Variants in ATF3 observed in about 807,000 individuals in gnomAD.
ATF3 encodes activating transcription factor 3, also known as cyclic AMP-dependent transcription factor ATF-3.
A neutral mutation model predicts 18.4 loss-of-function variants in ATF3; 10 were observed. The ratio of observed to expected loss-of-function variants is 0.54; its 90% confidence interval spans 0.34 to 0.92. The LOEUF is 0.92. Ranked by LOEUF, ATF3 falls within the 40% of genes least tolerant of loss-of-function variation. ATF3 has a pLI of 0.02. For missense variants in ATF3, 183 were observed against 222.3 expected (o/e 0.82, Z 1.12); for synonymous variants, 78 against 87.9 (o/e 0.89, Z 0.63).
chr1:212,576,084 G>A (rs376485104), intron 1 of ATF3, among the ~76,000 whole-genome samples: 1 of 152,098 alleles, frequency 6.6e-6, no homozygotes, highest in African/African-American at 2.4e-5. Context: ...AAATGTTTGG[G>A]CCTGATGTCT....
chr1:212,615,072 T>C lies in ATF3; in HGVS notation c.51T>C (p.Ser17=). The C allele has an allele frequency of 6.2e-7, 1 of 1,614,192 alleles. No homozygotes were observed. The highest frequency in any genetic ancestry group is 1.6e-4 in the Middle Eastern group (1 of 6,062). The change falls in exon 2 of 4, where the codon TCT becomes TCC. Residue 17 remains serine (S), a synonymous_variant. Coordinates refer to ENST00000341491, the MANE Select transcript of ATF3 (RefSeq NM_001674.4). ...TCTCTGCCTCGGAAGTGAGTGCTTC[T>C]GCCATCGTCCCCTGCCTGTCCCCTC... is the stretch of plus-strand genomic sequence containing the variant. The part of the protein sequence containing the change: ...GQVSASEVSA[S]AIVPCLSPPG...
intron 1 of ATF3, among the ~76,000 whole-genome samples, chr1:212,574,927 C>A (rs915821717): frequency 2.4e-4 from 36 of 151,964 alleles, no homozygotes; most frequent in Non-Finnish European, 4.0e-4. Flanking sequence ...TCCTGCTACC[C>A]TATTTTCTTC....
chr1:212,587,904 C>A (rs1309508418), intron 1 of ATF3, among the ~76,000 whole-genome samples: 2 of 140,840 alleles, frequency 1.4e-5, no homozygotes, highest in African/African-American at 5.4e-5. Flanking sequence ...GGTGCCTGTA[C>A]TTAGTTTAGC....
intron 1 of ATF3, among the ~76,000 whole-genome samples, chr1:212,586,635 G>A (rs1664784365): frequency 6.6e-6 from 1 of 152,214 alleles, no homozygotes; most frequent in African/African-American, 2.4e-5. Flanking sequence ...CCACCACAAA[G>A]TAGCTGTCAT....
At chr1:212,603,278 G>T (rs1410053579) in intron 1 of ATF3, among the ~76,000 whole-genome samples, 1 of 152,218 alleles carries the variant, frequency 6.6e-6, no homozygotes, top group Non-Finnish European at 1.5e-5. Flanking sequence ...ACTAGCCCAT[G>T]CTGCAGACTA....
At chr1:212,608,698 G>C (rs915697987), upstream of ATF3, 2 of 152,456 alleles carry the variant, frequency 1.3e-5, no homozygotes, top group African/African-American at 4.8e-5. Context: ...TGGCAACACG[G>C]AGTAAACGAC....
chr1:212,601,105 T>G (rs1281826121), intron 1 of ATF3, among the ~76,000 whole-genome samples: 1 of 152,178 alleles, frequency 6.6e-6, no homozygotes, highest in Non-Finnish European at 1.5e-5. Flanking sequence ...AGTGACTCAC[T>G]TTGCCCTCAG....
chr1:212,618,354 T>A lies in ATF3; in HGVS notation c.348+120T>A. 1 of 1,007,406 alleles carries A rather than the reference T, an allele frequency of 9.9e-7. No homozygotes were observed. The highest frequency in any genetic ancestry group is 1.6e-6 in the Non-Finnish European group (1 of 634,234). The allele number at this position is 1,007,406 out of a possible 1,614,324, so 62.4% of individuals were successfully genotyped here. ...TGGTTATAGTTTCCCAAGAAGGGCCTTGTAGCTGGTAGCAGAAATGCCAGT... is the reference window on the plus strand; with the variant it reads ...TGGTTATAGTTTCCCAAGAAGGGCCATGTAGCTGGTAGCAGAAATGCCAGT... On this transcript the variant is annotated intron_variant, in intron 3 of 3. Transcript: ENST00000341491. The surrounding 1 kb of genome is among the most constrained non-coding windows in gnomAD (Gnocchi z 4.4).
rs1027171893 is a variant in ATF3 at position 212,608,863 on chromosome 1, C to T, written c.-72C>T. ...GCCGGCCGTGAGTCCTCGGTGCTCGCCCGCCGGCCAGACAAACAGCCCGCC... is the reference window on the plus strand; with the variant it reads ...GCCGGCCGTGAGTCCTCGGTGCTCGTCCGCCGGCCAGACAAACAGCCCGCC... On this transcript the variant is annotated 5_prime_UTR_variant, in exon 1 of 4. Transcript: ENST00000341491. The T allele has an allele frequency of 6.5e-6, 1 of 152,778 alleles. No homozygotes were observed. The highest frequency in any genetic ancestry group is 2.4e-5 in the African/African-American group (1 of 41,436). The allele number at this position is 152,778 out of a possible 1,614,324, so 9.5% of individuals were successfully genotyped here. A position where few individuals can be genotyped will look rare whatever the true frequency, so the allele number is the denominator to read the frequency against.
chr1:212,588,764 T>C (rs1376164174), intron 1 of ATF3, among the ~76,000 whole-genome samples: 15 of 152,220 alleles, frequency 9.9e-5, no homozygotes, highest in Non-Finnish European at 1.3e-4. Flanking sequence ...TGTATACTGC[T>C]CATTTCCTGA....
rs1340386308 is a variant in ATF3 at position 212,614,907 on chromosome 1, G to T, written c.-4-111G>T. On this transcript the variant is annotated intron_variant, in intron 1 of 3. Transcript: ENST00000341491. ...CAAAACAGAAACCCAAGGGCTTATG[G>T]GACTTTTCTCTGAGGGTGGGGCTCT... 9 of 1,596,480 alleles carry T rather than the reference G, an allele frequency of 5.6e-6. No homozygotes were observed. The East Asian group carries it at 2.0e-4, about 36-fold the overall frequency.
intron 1 of ATF3, among the ~76,000 whole-genome samples, chr1:212,565,952 G>T (rs896460272): frequency 6.6e-6 from 1 of 152,128 alleles, no homozygotes; most frequent in Non-Finnish European, 1.5e-5. Context: ...TGACATTCCT[G>T]CCTGTTCTGG....
intron 1 of ATF3, among the ~76,000 whole-genome samples, chr1:212,572,693 C>T (rs754551684): frequency 1.3e-5 from 2 of 152,162 alleles, no homozygotes; most frequent in Non-Finnish European, 2.9e-5. Context: ...TGCCATAAAG[C>T]TTAGTATTCA....
intron 1 of ATF3, among the ~76,000 whole-genome samples, chr1:212,596,537 A>G (rs1467692198): frequency 2.0e-5 from 3 of 152,204 alleles, no homozygotes; most frequent in Non-Finnish European, 4.4e-5. Context: ...CATTCGTTTC[A>G]TTTTCACTTT....
At chr1:212,598,784 A>G (rs1194689921) in intron 1 of ATF3, among the ~76,000 whole-genome samples, 1 of 152,228 alleles carries the variant, frequency 6.6e-6, no homozygotes, top group East Asian at 1.9e-4. Flanking sequence ...GTTGCAAATG[A>G]CAGTATCTCA....
intron 1 of ATF3, among the ~76,000 whole-genome samples, chr1:212,613,175 G>A (rs1467048773): frequency 6.6e-6 from 1 of 152,250 alleles, no homozygotes; most frequent in East Asian, 1.9e-4. Flanking sequence ...AGCAGCCTGG[G>A]TATGCACCGT....
intron 1 of ATF3, among the ~76,000 whole-genome samples, chr1:212,587,468 C>T (rs962299304): frequency 3.3e-5 from 5 of 152,078 alleles, no homozygotes; most frequent in Non-Finnish European, 5.9e-5. Flanking sequence ...GGTTATGTGA[C>T]GCAAACCACA....
intron 1 of ATF3, among the ~76,000 whole-genome samples, chr1:212,582,043 C>T (rs1393699857): frequency 2.0e-5 from 3 of 152,176 alleles, no homozygotes; most frequent in South Asian, 4.1e-4. Context: ...GCCAGTGAAA[C>T]ATCTCCCTTC....
intron 1 of ATF3, among the ~76,000 whole-genome samples, chr1:212,588,964 G>C (rs1353234384): frequency 6.6e-6 from 1 of 152,104 alleles, no homozygotes; most frequent in Non-Finnish European, 1.5e-5. Context: ...TTTTTTGTGT[G>C]AATATGAAGA....
Sources: gnomAD v4.1 joint callset for allele counts (sites outside exome capture counted in the v4.1 genomes callset) on GRCh38, gnomAD v4.1.1 for gene constraint, Gnocchi (gnomAD v3.1) non-coding constraint, MANE v1.5 for transcripts, NCBI Gene and HGNC (gene_info 2026-07-23, HGNC 2026-07-21) for gene names.